DGKD: variants seen among roughly 807,000 people sequenced by gnomAD.
DGKD encodes DAG kinase delta.
Under a neutral mutation model 154.4 loss-of-function variants are expected in DGKD, and 68 were observed. The ratio of observed to expected loss-of-function variants is 0.44; its 90% CI spans 0.36 to 0.54. The LOEUF is 0.54. Among genes scored for constraint, DGKD ranks in the 20% least tolerant of loss-of-function variants. The pLI, the probability that DGKD is intolerant of heterozygous loss-of-function variation, is 0.00. For missense variants in DGKD, 1,343 were observed against 1,593.6 expected (o/e 0.84, Z 2.68); for synonymous variants, 693 against 638.0 (o/e 1.09, Z -1.30).
At position 233,452,091 on chromosome 2, in the gene DGKD, A is replaced by G; in HGVS notation, c.2264+31A>G. The G allele has an allele frequency of 6.3e-7, 1 of 1,577,886 alleles. No homozygotes were observed. Among genetic ancestry groups the G allele is most frequent in the Non-Finnish European group, 8.7e-7 (1 of 1,147,334 alleles). On this transcript the variant is annotated intron_variant, in intron 18 of 29. Transcript: ENST00000264057. The surrounding 1 kb of genome is among the most constrained non-coding windows in gnomAD (Gnocchi z 4.0). The stretch of plus-strand genomic sequence containing the variant: ...TATGAGGGATAAACCGAGTGGGCAT[A>G]TTGTTACATGGCTGCTAGTGCATAG...
intron 1 of DGKD, among the ~76,000 whole-genome samples, chr2:233,374,751 T>C (rs1157737584): frequency 1.3e-5 from 2 of 152,130 alleles, no homozygotes; most frequent in Non-Finnish European, 2.9e-5. Context: ...AAGCAACTTT[T>C]CTGCCCCAGT....
chr2:233,446,479 T>C (rs1421232202), intron 11 of DGKD, among the ~76,000 whole-genome samples: 2 of 152,234 alleles, frequency 1.3e-5, no homozygotes, highest in Non-Finnish European at 2.9e-5. Flanking sequence ...TATCTCAAGG[T>C]AGCCATTTAT....
Position 233,469,742 on chromosome 2 carries a change from C to T in DGKD, c.*282C>T, listed in dbSNP as rs2063949877. 2.4e-6 allele frequency: 1 copy of T among 413,534 alleles called. No homozygotes were observed. Among genetic ancestry groups the T allele is most frequent in the Non-Finnish European group, 4.4e-6 (1 of 225,636 alleles). 25.6% of individuals were successfully genotyped at this position (413,534 alleles called of 1,614,324 possible). Reference sequence around the variant, plus strand: ...GCACATGTGTCACGGCCACTCAGCTCTCGCCCGCCTGTGCTGTGGGCCAGG... The same window carrying T: ...GCACATGTGTCACGGCCACTCAGCTTTCGCCCGCCTGTGCTGTGGGCCAGG... On this transcript the variant is annotated 3_prime_UTR_variant, in exon 30 of 30. Transcript: ENST00000264057.
intron 27 of DGKD, 50 bp from the exon 28 acceptor site, chr2:233,467,036 C>T: frequency 7.0e-7 from 1 of 1,434,326 alleles, no homozygotes; most frequent in Non-Finnish European, 9.8e-7. Flanking sequence ...GGGCATGAGG[C>T]CGTGATCAGT....
At chr2:233,465,595 A>G (rs2063800143) in intron 27 of DGKD, among the ~76,000 whole-genome samples, 1 of 152,328 alleles carries the variant, frequency 6.6e-6, no homozygotes, top group South Asian at 2.1e-4. Flanking sequence ...CTATTAAAAA[A>G]AAATTTTTTT....
intron 1 of DGKD, among the ~76,000 whole-genome samples, chr2:233,381,491 C>A (rs553433741): frequency 6.6e-6 from 1 of 152,172 alleles, no homozygotes; most frequent in Non-Finnish European, 1.5e-5. Context: ...TTACTTAATC[C>A]TCTGGCCCTC....
At chr2:233,454,283 T>C (rs1331166667) in intron 18 of DGKD, 1 of 440,720 alleles carries the variant, frequency 2.3e-6, no homozygotes, top group Admixed American at 2.7e-5. Context: ...AGTGGAGTAT[T>C]ATTTGGTAAT....
At chr2:233,389,242 C>T (rs1703413373) in intron 2 of DGKD, among the ~76,000 whole-genome samples, 1 of 152,200 alleles carries the variant, frequency 6.6e-6, no homozygotes, top group Non-Finnish European at 1.5e-5. Context: ...TAGCAATTAA[C>T]CTTGTTTCTG....
At chr2:233,456,353 G>A (rs571706458) in intron 19 of DGKD, among the ~76,000 whole-genome samples, 115 of 152,318 alleles carry the variant, frequency 7.5e-4, no homozygotes, top group Middle Eastern at 3.4e-3. Context: ...CATTGCCGGC[G>A]CAGGGTAAAG....
Position 233,398,387 on chromosome 2 carries a change from C to T in DGKD, c.348+7904C>T, listed in dbSNP as rs569486053. On this transcript the variant is annotated intron_variant, in intron 3 of 29. Coordinates refer to ENST00000264057, the MANE Select transcript of DGKD (RefSeq NM_152879.3). ...GTCTCGATCTCCTGACCTCGTGATC[C>T]GCCGGCCTCAGCCTCCCAAAGTGCT... is the stretch of plus-strand genomic sequence containing the variant. Among the ~76,000 whole-genome samples, 4 of 152,118 alleles carry T rather than the reference C, an allele frequency of 2.6e-5. No individual in the cohort carries two copies. The East Asian group carries it at 7.8e-4, about 29-fold the overall frequency.
rs1387821941 is a variant in DGKD, at chr2:233,450,880, C to G, written c.2039-42C>G. 5.1e-6 allele frequency: 8 copies of G among 1,575,186 alleles called. No individual in the cohort carries two copies. In the East Asian group the frequency reaches 1.4e-4, roughly 27 times the overall value. On this transcript the variant is annotated intron_variant, in intron 16 of 29. Coordinates refer to ENST00000264057, the MANE Select transcript of DGKD (RefSeq NM_152879.3). ...AGGACCCCCCAGGATTTCACAGTCT[C>G]TATTCCACACAGCTGTAAGGTTTTC...
Position 233,457,693 on chromosome 2 carries a change from C to T in DGKD, c.2580+365C>T. The T allele has an allele frequency of 2.4e-6, 1 of 421,634 alleles. No homozygotes were observed. Among genetic ancestry groups the T allele is most frequent in the South Asian group, 1.8e-5 (1 of 55,180 alleles). The allele number at this position is 421,634 out of a possible 1,614,324, so 26.1% of individuals were successfully genotyped here. On this transcript the variant is annotated intron_variant, in intron 21 of 29. Transcript: ENST00000264057. The surrounding 1 kb of genome is among the most constrained non-coding windows in gnomAD (Gnocchi z 5.5). ...AGGCTGTTCCAGGCAGAGAGAATTG[C>T]ACAGATGAAGGCTCAGAGTCAAGAC...
chr2:233,380,713 C>T (rs1702851617), intron 1 of DGKD, among the ~76,000 whole-genome samples: 2 of 152,120 alleles, frequency 1.3e-5, no homozygotes, highest in South Asian at 2.1e-4. Flanking sequence ...CGCAGCATAC[C>T]GCAGTAAGAG....
intron 1 of DGKD, among the ~76,000 whole-genome samples, chr2:233,367,651 C>T (rs529857297): frequency 1.5e-4 from 23 of 152,118 alleles, no homozygotes; most frequent in African/African-American, 5.1e-4. Flanking sequence ...CCTATATTTC[C>T]TATAAAGTAG....
At chr2:233,462,584 C>T in intron 25 of DGKD, 59 bp from the exon 26 acceptor site, 1 of 1,567,078 alleles carries the variant, frequency 6.4e-7, no homozygotes, top group Non-Finnish European at 8.8e-7. Flanking sequence ...TTGTTCCCTG[C>T]CCCTAACCGT....
intron 3 of DGKD, among the ~76,000 whole-genome samples, chr2:233,395,944 C>G (rs983859478): frequency 6.6e-6 from 1 of 152,142 alleles, no homozygotes; most frequent in African/African-American, 2.4e-5. Flanking sequence ...AGAGAACATG[C>G]TACTCAATGC....
intron 3 of DGKD, among the ~76,000 whole-genome samples, chr2:233,411,236 G>A (rs1335889466): frequency 6.6e-6 from 1 of 152,094 alleles, no homozygotes; most frequent in African/African-American, 2.4e-5. Context: ...CATATAGTAG[G>A]TATATGTTTA....
intron 28 of DGKD, among the ~76,000 whole-genome samples, chr2:233,467,877 G>A (rs1195386137): frequency 6.6e-6 from 1 of 152,074 alleles, no homozygotes; most frequent in African/African-American, 2.4e-5. Flanking sequence ...TGTTAATAAT[G>A]GTGGCTCTGA....
intron 2 of DGKD, among the ~76,000 whole-genome samples, chr2:233,390,177 T>C (rs1269562643): frequency 6.6e-6 from 1 of 152,218 alleles, no homozygotes; most frequent in Non-Finnish European, 1.5e-5. Flanking sequence ...TTGTAGATTT[T>C]TTTAAAAAAA....
Sources: allele counts gnomAD v4.1 joint callset (sites outside exome capture counted in the v4.1 genomes callset), GRCh38; gene constraint gnomAD v4.1.1; non-coding constraint Gnocchi (gnomAD v3.1); transcripts MANE v1.5; gene names NCBI Gene and HGNC (gene_info 2026-07-23, HGNC 2026-07-21).